The following LUZP2 variants were observed in gnomAD, a reference collection of about 807,000 sequenced individuals.
LUZP2 encodes the protein leucine zipper protein 2.
LUZP2 carries 52 observed loss-of-function variants against 51.6 expected under a neutral mutation model. The observed-to-expected ratio is 1.01, with a 90% CI of 0.81 to 1.27. The LOEUF is 1.27. Ranked by LOEUF, LUZP2 falls within the 50% of genes most tolerant of loss-of-function variation. The pLI, the probability that LUZP2 is intolerant of heterozygous loss-of-function variation, is 0.00. For synonymous variants in LUZP2, 154 were observed against 137.3 expected, an observed-to-expected ratio of 1.12 and a Z score of -0.85; for missense variants, 436 against 395.4, an observed-to-expected ratio of 1.10 and a Z score of -0.87.
intron 1 of LUZP2, among the ~76,000 whole-genome samples, chr11:24,528,736 G>A (rs1850898522): frequency 6.6e-6 from 1 of 151,132 alleles, no homozygotes; most frequent in African/African-American, 2.4e-5. Flanking sequence ...ACTAAAATGT[G>A]TTGAGGACAT....
intron 1 of LUZP2, among the ~76,000 whole-genome samples, chr11:24,727,522 T>C (rs980520691): frequency 1.3e-5 from 2 of 152,088 alleles, no homozygotes; most frequent in Non-Finnish European, 1.5e-5. Flanking sequence ...AACCTGTCAA[T>C]ACATATAATC....
intron 1 of LUZP2, among the ~76,000 whole-genome samples, chr11:24,584,104 A>G (rs1336033161): frequency 1.3e-5 from 2 of 152,182 alleles, no homozygotes; most frequent in Admixed American, 6.6e-5. Flanking sequence ...ATCATATTCT[A>G]GACACTAACA....
intron 1 of LUZP2, among the ~76,000 whole-genome samples, chr11:24,546,960 TTGTTGGTGGTGG>T (rs1418344363): frequency 0.017 from 1,084 of 61,968 alleles, 5 homozygotes; most frequent in Non-Finnish European, 0.022. Flanking sequence ...GTTGTTGTTG[TTGTTGGTGGTGG>T]TGGTGGTGGT....
At chr11:24,770,462 A>G (rs905680980) in intron 5 of LUZP2, among the ~76,000 whole-genome samples, 4 of 152,084 alleles carry the variant, frequency 2.6e-5, no homozygotes, top group Non-Finnish European at 2.9e-5. Flanking sequence ...TCTCTCAGTT[A>G]TCTTTCTCAT....
At chr11:24,959,547 CTGTT>C (rs1218984523) in intron 7 of LUZP2, among the ~76,000 whole-genome samples, 1 of 151,942 alleles carries the variant, frequency 6.6e-6, no homozygotes, top group Non-Finnish European at 1.5e-5. Context: ...CATGATTTGG[CTGTT>C]TGTCTGTTAT....
chr11:24,863,730 T>G (rs1031449506), intron 5 of LUZP2, among the ~76,000 whole-genome samples: 2 of 152,168 alleles, frequency 1.3e-5, no homozygotes, highest in Non-Finnish European at 2.9e-5. Flanking sequence ...TAAATAAAGC[T>G]GTTATAAAAA....
At chr11:24,871,982 G>A (rs1852092172) in intron 5 of LUZP2, among the ~76,000 whole-genome samples, 1 of 151,928 alleles carries the variant, frequency 6.6e-6, no homozygotes, top group Admixed American at 6.6e-5. Flanking sequence ...AGTTCCATTT[G>A]ACTCTGGTTG....
chr11:24,577,107 A>T (rs920650529), intron 1 of LUZP2, among the ~76,000 whole-genome samples: 23 of 151,612 alleles, frequency 1.5e-4, no homozygotes, highest in Non-Finnish European at 4.4e-5. Context: ...AATCATTAAC[A>T]ATTTTACTAT....
chr11:24,745,733 A>T (rs946211114), intron 4 of LUZP2, among the ~76,000 whole-genome samples: 1 of 152,142 alleles, frequency 6.6e-6, no homozygotes, highest in African/African-American at 2.4e-5. Flanking sequence ...GCTGAAGTGC[A>T]GTGGCACAAT....
At chr11:24,924,288 G>A (rs964500027) in intron 7 of LUZP2, among the ~76,000 whole-genome samples, 1 of 152,010 alleles carries the variant, frequency 6.6e-6, no homozygotes, top group African/African-American at 2.4e-5. Flanking sequence ...ATGTTGGCAA[G>A]GATGGTCTCG....
chr11:24,741,863 G>GTA (rs959656085), intron 4 of LUZP2, among the ~76,000 whole-genome samples: 3 of 129,674 alleles, frequency 2.3e-5, no homozygotes, highest in South Asian at 2.3e-4. Context: ...ATATATAAAT[G>GTA]TATATATATT....
chr11:24,942,072 A>G (rs1023769691), intron 7 of LUZP2, among the ~76,000 whole-genome samples: 4 of 152,070 alleles, frequency 2.6e-5, no homozygotes, highest in African/African-American at 9.7e-5. Context: ...TGCTAATTTC[A>G]TTTCATAAAT....
chr11:24,822,823 G>C (rs1320372857), intron 5 of LUZP2, among the ~76,000 whole-genome samples: 1 of 152,078 alleles, frequency 6.6e-6, no homozygotes, highest in African/African-American at 2.4e-5. Flanking sequence ...TAGCATTAAT[G>C]GTGGTTAATA....
intron 7 of LUZP2, among the ~76,000 whole-genome samples, chr11:24,937,482 T>G (rs772433260): frequency 6.6e-6 from 1 of 152,204 alleles, no homozygotes; most frequent in Non-Finnish European, 1.5e-5. Flanking sequence ...GTACAAAATA[T>G]TTTAGACATG....
At chr11:25,014,864 T>C (rs1400331041) in intron 9 of LUZP2, among the ~76,000 whole-genome samples, 2 of 122,334 alleles carry the variant, frequency 1.6e-5, no homozygotes, top group African/African-American at 2.5e-5. Context: ...GATTTTCTTC[T>C]AGGGTTTTTA....
chr11:24,832,519 A>T (rs907330632), intron 5 of LUZP2, among the ~76,000 whole-genome samples: 2 of 151,700 alleles, frequency 1.3e-5, no homozygotes, highest in African/African-American at 4.8e-5. Flanking sequence ...TTTCTATAAT[A>T]TCTTGTTAAT....
At chr11:24,984,536 A>G (rs1856133091) in intron 9 of LUZP2, among the ~76,000 whole-genome samples, 2 of 86,354 alleles carry the variant, frequency 2.3e-5, no homozygotes, top group Admixed American at 1.4e-4. Context: ...ATATATATAT[A>G]TATATATATA....
At chr11:24,549,362 C>T (rs1298797411) in intron 1 of LUZP2, among the ~76,000 whole-genome samples, 1 of 152,080 alleles carries the variant, frequency 6.6e-6, no homozygotes, top group African/African-American at 2.4e-5. Context: ...CGGAGCTGTC[C>T]TCTCCTACGA....
At position 24,983,183 on chromosome 11, in the gene LUZP2, C is replaced by T. The variant is rs1416888159; in HGVS notation, c.655C>T (p.Arg219Cys). The T allele has an allele frequency of 9.3e-6, 15 of 1,612,200 alleles. No individual in the cohort carries two copies. Among genetic ancestry groups the T allele is most frequent in the Non-Finnish European group, 1.3e-5 (15 of 1,178,816 alleles). ...GCAGCTCTGCTTGACATCTGTTTTC[C>T]GTGATCAGCCTCCTCCCCCTTTGAG... ...TVQLCLTSVF[R>C]DQPPPPLSLI... The change falls in exon 9 of 12, where the codon CGT becomes TGT. Residue 219 changes from arginine (R) to cysteine (C), a missense_variant. Physicochemically the swap from Arg to Cys is radical, Grantham distance 180 (BLOSUM62 -3). Transcript: ENST00000336930.
Sources: gnomAD v4.1 joint callset for allele counts (sites outside exome capture counted in the v4.1 genomes callset) on GRCh38, gnomAD v4.1.1 for gene constraint, MANE v1.5 for transcripts, NCBI Gene and HGNC (gene_info 2026-07-23, HGNC 2026-07-21) for gene names.